The following CLEC4E variants were observed in gnomAD, a reference collection of about 807,000 sequenced individuals.
The protein encoded by CLEC4E is C-type lectin domain family 4 member E, also known as C-type (calcium dependent, carbohydrate-recognition domain) lectin, superfamily member 9.
CLEC4E carries 21 observed loss-of-function variants against 24.7 expected under a neutral mutation model. The ratio of observed to expected loss-of-function variants is 0.85; its 90% CI spans 0.60 to 1.22. The LOEUF is 1.22. Among genes scored for constraint, CLEC4E ranks in the 50% most tolerant of loss-of-function variants. The pLI, the probability that CLEC4E is intolerant of heterozygous loss-of-function variation, is 0.00. For synonymous variants in CLEC4E, 94 were observed against 85.7 expected (o/e 1.10, Z -0.54); for missense variants, 249 against 254.1 (o/e 0.98, Z 0.14).
chr12:8,537,610 A>T (rs752319321), intron 3 of CLEC4E, among the ~76,000 whole-genome samples: 18 of 152,184 alleles, frequency 1.2e-4, no homozygotes, highest in Admixed American at 2.6e-4. Context: ...GTGACCCCCA[A>T]AGAGCCATCT....
intron 4 of CLEC4E, 151 bp downstream of exon 4, chr12:8,536,964 A>G (rs779281424): frequency 4.0e-5 from 24 of 601,550 alleles, no homozygotes; most frequent in African/African-American, 3.2e-4. Flanking sequence ...AAATTAAGGT[A>G]GGCAGTGACT....
In CLEC4E at chr12:8,533,901, T is replaced by A. The variant is rs1940576863; in HGVS notation, c.*737A>T. On this transcript the variant is annotated 3_prime_UTR_variant, in exon 6 of 6. Coordinates refer to ENST00000299663, the MANE Select transcript of CLEC4E (RefSeq NM_014358.4). ...AGACAGGAAAGTGTGGAGATGAATGTTCGCTTAGAATAAATTGACTATTGG... is the reference window on the plus strand; with the variant it reads ...AGACAGGAAAGTGTGGAGATGAATGATCGCTTAGAATAAATTGACTATTGG... The A allele has an allele frequency of 6.6e-6, 1 of 152,204 alleles. No homozygotes were observed. The highest frequency in any genetic ancestry group is 6.5e-5 in the Admixed American group (1 of 15,280). 9.4% of individuals were successfully genotyped at this position (152,204 alleles called of 1,614,324 possible). A position where few individuals can be genotyped will look rare whatever the true frequency, so the allele number is the denominator to read the frequency against.
chr12:8,537,774 T>C lies in CLEC4E; in HGVS notation c.221-508A>G, dbSNP rs757107113. On this transcript the variant is annotated intron_variant, in intron 3 of 5. Coordinates refer to ENST00000299663, the MANE Select transcript of CLEC4E (RefSeq NM_014358.4). ...ATAAAATATAAAACAAGAATAGTTATACCAGATATAGATCTTAGATATGAT... is the reference window on the plus strand; with the variant it reads ...ATAAAATATAAAACAAGAATAGTTACACCAGATATAGATCTTAGATATGAT... Among the ~76,000 whole-genome samples, 7 of 152,374 alleles carry C rather than the reference T, an allele frequency of 4.6e-5. No individual in the cohort carries two copies. The East Asian group carries it at 9.6e-4, about 21-fold the overall frequency.
At position 8,533,601 on chromosome 12, in the gene CLEC4E, C is replaced by T. The variant is rs1363700576; in HGVS notation, c.*1037G>A. On this transcript the variant is annotated 3_prime_UTR_variant, in exon 6 of 6. Transcript: ENST00000299663. ...CTTAGCAAACATGGGAACAGAAAAC[C>T]AAATACTGCATGTCCTCACTTATAA... 1 of 152,058 alleles carries T rather than the reference C, an allele frequency of 6.6e-6. No homozygotes were observed. Among genetic ancestry groups the T allele is most frequent in the Admixed American group, 6.5e-5 (1 of 15,270 alleles). The allele number at this position is 152,058 out of a possible 1,614,324, so 9.4% of individuals were successfully genotyped here. A position where few individuals can be genotyped will look rare whatever the true frequency, so the allele number is the denominator to read the frequency against.
chr12:8,538,305 T>C (rs1237813114), intron 3 of CLEC4E, among the ~76,000 whole-genome samples: 1 of 152,236 alleles, frequency 6.6e-6, no homozygotes, highest in Non-Finnish European at 1.5e-5. Context: ...CTCTGCCTTC[T>C]AGATAGCAGT....
rs367918900 is a variant in CLEC4E, at chr12:8,539,212, T to C, written c.220+5A>G. The C allele has an allele frequency of 1.7e-5, 27 of 1,593,960 alleles. No individual in the cohort carries two copies. The highest frequency in any genetic ancestry group is 2.3e-5 in the Non-Finnish European group (27 of 1,162,142). ...TTTTGATGTTCACCTTTGGGACTAT[T>C]ATACCTGATCCATAATTGTAGCAGG... On this transcript the variant is annotated splice_donor_5th_base_variant and intron_variant, in intron 3 of 5. Coordinates refer to ENST00000299663, the MANE Select transcript of CLEC4E (RefSeq NM_014358.4).
Position 8,539,336 on chromosome 12 carries a change from GT to G in CLEC4E, c.131-31del, listed in dbSNP as rs745763849. ...AAAAGAAAGGGCATAATGTTTGTTA[GT>G]CTTATTTCGGTTAAAAATGTCAGTT... On this transcript the variant is annotated intron_variant, in intron 2 of 5. Transcript: ENST00000299663. The G allele has an allele frequency of 2.1e-6, 3 of 1,421,380 alleles. No individual in the cohort carries two copies. In the South Asian group the frequency reaches 3.6e-5, roughly 17 times the overall value. 88.0% of individuals were successfully genotyped at this position (1,421,380 alleles called of 1,614,324 possible).
rs1005733674 is a variant in CLEC4E at position 8,533,954 on chromosome 12, C to A, written c.*684G>T. 1.3e-5 allele frequency: 2 copies of A among 152,170 alleles called. No individual in the cohort carries two copies. The highest frequency in any genetic ancestry group is 2.9e-5 in the Non-Finnish European group (2 of 68,050). 9.4% of individuals were successfully genotyped at this position (152,170 alleles called of 1,614,324 possible). A position where few individuals can be genotyped will look rare whatever the true frequency, so the allele number is the denominator to read the frequency against. On this transcript the variant is annotated 3_prime_UTR_variant, in exon 6 of 6. Coordinates refer to ENST00000299663, the MANE Select transcript of CLEC4E (RefSeq NM_014358.4). Reference sequence around the variant, plus strand: ...TCGGGTCCTAGCTGAGCAATAGATACAAAATCTGGTGAGATCCATTCAGTC... The same window carrying A: ...TCGGGTCCTAGCTGAGCAATAGATAAAAAATCTGGTGAGATCCATTCAGTC...
chr12:8,537,661 T>A (rs1348164145), intron 3 of CLEC4E, among the ~76,000 whole-genome samples: 1 of 152,138 alleles, frequency 6.6e-6, no homozygotes, highest in African/African-American at 2.4e-5. Flanking sequence ...CAAATCTCCA[T>A]ACTGTAGTAT....
intron 3 of CLEC4E, among the ~76,000 whole-genome samples, chr12:8,538,380 C>G (rs753207613): frequency 2.6e-5 from 4 of 152,256 alleles, no homozygotes; most frequent in Admixed American, 6.5e-5. Context: ...CTGTCTTTCT[C>G]TCTGTCTCCT....
In CLEC4E at chr12:8,539,213, A is replaced by T. The variant is rs1382919132; in HGVS notation, c.220+4T>A. 3.8e-6 allele frequency: 6 copies of T among 1,593,908 alleles called. No homozygotes were observed. Among genetic ancestry groups the T allele is most frequent in the Non-Finnish European group, 5.2e-6 (6 of 1,162,204 alleles). On this transcript the variant is annotated splice_donor_region_variant and intron_variant, in intron 3 of 5. Transcript: ENST00000299663. The stretch of plus-strand genomic sequence containing the variant: ...TTTGATGTTCACCTTTGGGACTATT[A>T]TACCTGATCCATAATTGTAGCAGGA...
In CLEC4E at chr12:8,534,153, T is replaced by C. The variant is rs749547679; in HGVS notation, c.*485A>G. ...ATAAGTTTCATGACTTGAAGAAGCT[T>C]CTTACTCATTATACAGGGGAGTAAA... On this transcript the variant is annotated 3_prime_UTR_variant, in exon 6 of 6. Coordinates refer to ENST00000299663, the MANE Select transcript of CLEC4E (RefSeq NM_014358.4). The C allele has an allele frequency of 2.6e-5, 4 of 152,602 alleles. No homozygotes were observed. The highest frequency in any genetic ancestry group is 9.6e-5 in the African/African-American group (4 of 41,564). 9.5% of individuals were successfully genotyped at this position (152,602 alleles called of 1,614,324 possible).
chr12:8,534,413 T>C lies in CLEC4E; in HGVS notation c.*225A>G. On this transcript the variant is annotated 3_prime_UTR_variant, in exon 6 of 6. Transcript: ENST00000299663. Reference sequence around the variant, plus strand: ...ATGTAGCAAAAGGTAGTGAATTGCTTTGTAAATTCTGGGAAGAGGACCTGA... The same window carrying C: ...ATGTAGCAAAAGGTAGTGAATTGCTCTGTAAATTCTGGGAAGAGGACCTGA... The C allele has an allele frequency of 2.9e-6, 1 of 347,470 alleles. No homozygotes were observed. Among genetic ancestry groups the C allele is most frequent in the Non-Finnish European group, 5.2e-6 (1 of 191,522 alleles). The allele number at this position is 347,470 out of a possible 1,614,324, so 21.5% of individuals were successfully genotyped here.
intron 1 of CLEC4E, among the ~76,000 whole-genome samples, chr12:8,540,213 C>T (rs1483753305): frequency 6.6e-6 from 1 of 152,194 alleles, no homozygotes; most frequent in African/African-American, 2.4e-5. Context: ...GGTCTGAGGA[C>T]CACACGTTTA....
Position 8,540,888 on chromosome 12 carries a change from GA to G in CLEC4E, c.-92del. 1 of 847,174 alleles carries G rather than the reference GA, an allele frequency of 1.2e-6. No homozygotes were observed. Among genetic ancestry groups the G allele is most frequent in the Admixed American group, 1.8e-5 (1 of 55,766 alleles). The allele number at this position is 847,174 out of a possible 1,614,324, so 52.5% of individuals were successfully genotyped here. ...CTCCTCAGGAGTGTTTTGTTGGTAA[GA>G]TTCAGGGAGAATGAATCTTGAAAGA... is the stretch of plus-strand genomic sequence containing the variant. On this transcript the variant is annotated 5_prime_UTR_variant, in exon 1 of 6. Coordinates refer to ENST00000299663, the MANE Select transcript of CLEC4E (RefSeq NM_014358.4).
In CLEC4E at chr12:8,534,737, G is replaced by A. The variant is rs761249435; in HGVS notation, c.561C>T (p.Asn187=). Reference sequence around the variant, plus strand: ...TTACATCATTCCAATTTTGCCTTGGGTTTGAAGAGTCTCTCATGGTGGCAC... The same window carrying A: ...TTACATCATTCCAATTTTGCCTTGGATTTGAAGAGTCTCTCATGGTGGCAC... ...EDCATMRDSS[N]PRQNWNDVTC... is the part of the protein sequence containing the mutation. Residue 187 remains asparagine, a synonymous_variant, in exon 6 of 6, where the codon AAC becomes AAT. Transcript: ENST00000299663. 6.8e-6 allele frequency: 11 copies of A among 1,613,900 alleles called. No individual in the cohort carries two copies. In the African/African-American group the frequency reaches 1.1e-4, roughly 16 times the overall value.
At chr12:8,539,156 A>G (rs1395436964) in intron 3 of CLEC4E, 61 bp downstream of exon 3, 4 of 1,197,418 alleles carry the variant, frequency 3.3e-6, no homozygotes, top group Non-Finnish European at 4.9e-6. Context: ...CCCAAAGTCA[A>G]TCTAGAAGCC....
At chr12:8,535,951 G>A (rs1940606191) in intron 5 of CLEC4E, 139 bp downstream of exon 5, 1 of 497,360 alleles carries the variant, frequency 2.0e-6, no homozygotes, top group Non-Finnish European at 3.7e-6. Context: ...AGAGAAGTGG[G>A]TGCTTGTACT....
At chr12:8,537,742 C>T (rs1050009341) in intron 3 of CLEC4E, among the ~76,000 whole-genome samples, 2 of 152,112 alleles carry the variant, frequency 1.3e-5, no homozygotes, top group African/African-American at 4.8e-5. Context: ...CGAGCTGTTC[C>T]AGTATAATAA....
Sources: gnomAD v4.1 joint callset for allele counts (sites outside exome capture counted in the v4.1 genomes callset) on GRCh38, gnomAD v4.1.1 for gene constraint, MANE v1.5 for transcripts, NCBI Gene and HGNC (gene_info 2026-07-23, HGNC 2026-07-21) for gene names.